The following IFI16 variants were observed in gnomAD, a reference collection of about 807,000 sequenced individuals.
IFI16 encodes gamma-interferon-inducible protein 16.
A neutral mutation model predicts 68.4 loss-of-function variants in IFI16; 49 were observed. That is an observed-to-expected ratio of 0.72 (90% CI 0.57 to 0.91). IFI16 has a LOEUF of 0.91. Among genes scored for constraint, IFI16 ranks in the 40% least tolerant of loss-of-function variants. The pLI, the probability that IFI16 is intolerant of heterozygous loss-of-function variation, is 0.00. For synonymous variants in IFI16, 307 were observed against 315.0 expected, an observed-to-expected ratio of 0.97 and a Z score of 0.27; for missense variants, 878 against 942.9, an observed-to-expected ratio of 0.93 and a Z score of 0.90.
At chr1:159,054,791 TG>T in intron 11 of IFI16, 29 bp from the exon 12 acceptor site, 1 of 1,238,340 alleles carries the variant, frequency 8.1e-7, no homozygotes, top group Non-Finnish European at 1.2e-6. Context: ...GCATCTCAAC[TG>T]GTCTGTCTTT....
chr1:159,035,486 G>C (rs898909193), intron 7 of IFI16, among the ~76,000 whole-genome samples: 1 of 152,166 alleles, frequency 6.6e-6, no homozygotes, highest in Non-Finnish European at 1.5e-5. Flanking sequence ...ACAAATGATT[G>C]TGCTGTATGT....
chr1:159,050,010 A>G (rs1655245026), intron 9 of IFI16, among the ~76,000 whole-genome samples: 1 of 152,212 alleles, frequency 6.6e-6, no homozygotes, highest in African/African-American at 2.4e-5. Context: ...ATAAGCAAAA[A>G]TAACTTTTAA....
upstream of IFI16, chr1:159,006,005 C>G (rs1652242526): frequency 6.6e-6 from 1 of 152,298 alleles, no homozygotes; most frequent in Non-Finnish European, 1.5e-5. Flanking sequence ...AGGTGGAGAT[C>G]TGACTTCTCT....
At chr1:159,048,014 A>G (rs1655101380) in intron 8 of IFI16, among the ~76,000 whole-genome samples, 1 of 139,940 alleles carries the variant, frequency 7.1e-6, no homozygotes, top group East Asian at 2.0e-4. Context: ...GATTTCACTT[A>G]TTTTTAAAAC....
At chr1:159,021,977 T>A (rs1653352535) in intron 6 of IFI16, among the ~76,000 whole-genome samples, 1 of 54,272 alleles carries the variant, frequency 1.8e-5, no homozygotes, top group African/African-American at 7.9e-5. Context: ...TTTTTTTTTT[T>A]TTTTGAGACA....
chr1:159,026,616 G>C (rs941278521), intron 6 of IFI16, among the ~76,000 whole-genome samples: 4 of 151,974 alleles, frequency 2.6e-5, no homozygotes, highest in Non-Finnish European at 4.4e-5. Flanking sequence ...TCATTTTCAC[G>C]ATATTGATTC....
chr1:159,054,215 G>A (rs1655541819), intron 11 of IFI16, among the ~76,000 whole-genome samples: 1 of 152,174 alleles, frequency 6.6e-6, no homozygotes, highest in Non-Finnish European at 1.5e-5. Context: ...CCTTTAGTGA[G>A]ATACATACAC....
intron 7 of IFI16, among the ~76,000 whole-genome samples, chr1:159,035,025 G>A (rs896680870): frequency 6.6e-6 from 1 of 152,138 alleles, no homozygotes; most frequent in African/African-American, 2.4e-5. Context: ...AAAAGCAGAA[G>A]GATTAAATCA....
chr1:159,024,988 T>G (rs1204538216), intron 6 of IFI16, among the ~76,000 whole-genome samples: 1 of 151,968 alleles, frequency 6.6e-6, no homozygotes, highest in African/African-American at 2.4e-5. Context: ...CTTCCCAGGC[T>G]CGAGTTTTTT....
chr1:159,044,506 C>CT (rs1373984829), intron 7 of IFI16, among the ~76,000 whole-genome samples: 1 of 152,070 alleles, frequency 6.6e-6, no homozygotes, highest in Non-Finnish European at 1.5e-5. Flanking sequence ...GTGTACCTCT[C>CT]TATCAACAAT....
intron 7 of IFI16, among the ~76,000 whole-genome samples, chr1:159,043,774 C>A (rs1218995143): frequency 5.3e-5 from 8 of 152,138 alleles, no homozygotes; most frequent in Non-Finnish European, 1.0e-4. Flanking sequence ...CAAATGCTTG[C>A]ACTTTTAAAA....
chr1:159,022,692 G>A (rs2101839115), intron 6 of IFI16, among the ~76,000 whole-genome samples: 1 of 152,318 alleles, frequency 6.6e-6, no homozygotes, highest in South Asian at 2.1e-4. Flanking sequence ...GCATGTTAGG[G>A]CAAATATTTA....
At chr1:159,041,716 T>C (rs1622504) in intron 7 of IFI16, among the ~76,000 whole-genome samples, 151,236 of 152,276 alleles carry the variant, frequency 0.99, 75,111 homozygotes, top group Middle Eastern at 1. Context: ...CATTTCAGAC[T>C]GAAGACTATA....
At chr1:159,012,371 A>G (rs910005863) in intron 1 of IFI16, among the ~76,000 whole-genome samples, 2 of 152,200 alleles carry the variant, frequency 1.3e-5, no homozygotes, top group Non-Finnish European at 1.5e-5. Context: ...TATTTAGTGT[A>G]TATATTCTAA....
intron 5 of IFI16, among the ~76,000 whole-genome samples, chr1:159,019,967 TGAATAAATA>T (rs1446151061): frequency 6.6e-6 from 1 of 152,204 alleles, no homozygotes; most frequent in East Asian, 1.9e-4. Flanking sequence ...CATAAGTCAC[TGAATAAATA>T]GTTGTAGCAG....
At chr1:159,035,320 G>A (rs112791640) in intron 7 of IFI16, among the ~76,000 whole-genome samples, 365 of 152,328 alleles carry the variant, frequency 2.4e-3, no homozygotes, top group African/African-American at 8.4e-3. Flanking sequence ...CTCAGTCATT[G>A]CAACCTAAGA....
chr1:159,009,062 C>T (rs1652386172), upstream of IFI16: 1 of 152,184 alleles, frequency 6.6e-6, no homozygotes, highest in Non-Finnish European at 1.5e-5. Flanking sequence ...GAAAAATACA[C>T]TGCTGAGCAG....
At chr1:159,030,210 T>G (rs1187380588) in intron 6 of IFI16, among the ~76,000 whole-genome samples, 1 of 152,168 alleles carries the variant, frequency 6.6e-6, no homozygotes, top group Non-Finnish European at 1.5e-5. Flanking sequence ...CTGTAACATT[T>G]TTTAAATTTC....
In IFI16 at chr1:159,016,618, G is replaced by C; in HGVS notation, c.467G>C (p.Gly156Ala). The change falls in exon 4 of 12, where the codon GGA (glycine) becomes GCA (alanine). Residue 156 changes from glycine (G) to alanine (A), a missense_variant. Gly to Ala is a moderately conservative substitution (Grantham distance 60, BLOSUM62 0). Transcript: ENST00000295809. ...EEQTQPPSPAGAGMSTAMGRS... is the reference protein window; with the variant it reads ...EEQTQPPSPAAAGMSTAMGRS... The stretch of plus-strand genomic sequence containing the variant: ...CAGACTCAGCCTCCCTCTCCTGCAG[G>C]AGCCGGCATGTCCACAGCCATGGGC... 1 of 1,614,118 alleles carries C rather than the reference G, an allele frequency of 6.2e-7. No individual in the cohort carries two copies. The highest frequency in any genetic ancestry group is 8.5e-7 in the Non-Finnish European group (1 of 1,180,006).
Sources: gnomAD v4.1 joint callset for allele counts (sites outside exome capture counted in the v4.1 genomes callset) on GRCh38, gnomAD v4.1.1 for gene constraint, MANE v1.5 for transcripts, NCBI Gene and HGNC (gene_info 2026-07-23, HGNC 2026-07-21) for gene names.